Variants in WFS1 observed in about 807,000 individuals in gnomAD.
The protein encoded by WFS1 is wolframin ER transmembrane glycoprotein.
In WFS1, 90 loss-of-function variants were observed where a neutral mutation model predicts 68.5. The ratio of observed to expected loss-of-function variants is 1.31; its 90% confidence interval spans 1.11 to 1.56. The LOEUF (loss-of-function observed/expected upper bound fraction) is 1.56, where lower values mean the gene tolerates loss of function less well. Among genes scored for constraint, WFS1 ranks in the 40% most tolerant of loss-of-function variants. The probability of loss-of-function intolerance (pLI) is 0.00; values close to 1 mark genes in which losing one functional copy is unlikely to be tolerated. For missense variants in WFS1, 1,767 were observed against 1,232.6 expected (o/e 1.43, Z -6.49); for synonymous variants, 860 against 540.7 (o/e 1.59, Z -8.19).
chr4:6,276,582 C>T (rs962265543), intron 1 of WFS1, among the ~76,000 whole-genome samples: 3 of 152,172 alleles, frequency 2.0e-5, no homozygotes, highest in Non-Finnish European at 2.9e-5. Context: ...TGAATCCCAG[C>T]TCCACCCATT....
rs759524518 is a variant in WFS1, at chr4:6,301,356, C to G, written c.1561C>G (p.Leu521Val). Residue 521 changes from leucine to valine, a missense_variant, in exon 8 of 8, where the codon CTG becomes GTG. By Grantham distance (32) the Leu-to-Val change is conservative (BLOSUM62 1). Coordinates refer to ENST00000226760, the MANE Select transcript of WFS1 (RefSeq NM_006005.3). Reference protein sequence around the residue: ...LLYLFFRMAQLRNFKGTYCYL... With the variant: ...LLYLFFRMAQVRNFKGTYCYL... Reference sequence around the variant, plus strand: ...CTATCTCTTCTTCCGCATGGCACAGCTGAGGAATTTCAAGGGCACCTACTG... The same window carrying G: ...CTATCTCTTCTTCCGCATGGCACAGGTGAGGAATTTCAAGGGCACCTACTG... 13 of 1,612,388 alleles carry G rather than the reference C, an allele frequency of 8.1e-6. No homozygotes were observed. The highest frequency in any genetic ancestry group is 1.7e-5 in the Admixed American group (1 of 60,012).
At chr4:6,299,518 TGTGA>T (rs1340873705) in intron 7 of WFS1, among the ~76,000 whole-genome samples, 4 of 140,536 alleles carry the variant, frequency 2.8e-5, no homozygotes, top group African/African-American at 5.5e-5. Flanking sequence ...GTTGCGTGTG[TGTGA>T]ATGTGTATAG....
At chr4:6,297,223 T>C (rs922600065) in intron 7 of WFS1, among the ~76,000 whole-genome samples, 8 of 152,188 alleles carry the variant, frequency 5.3e-5, no homozygotes, top group African/African-American at 1.9e-4. Context: ...TCAGAGCACT[T>C]CGATTCCTTT....
chr4:6,299,875 GC>G (rs1560416772), intron 7 of WFS1, among the ~76,000 whole-genome samples: 54 of 127,450 alleles, frequency 4.2e-4, no homozygotes, highest in South Asian at 5.5e-4. Context: ...GTAGGGGTGG[GC>G]TGCATGTGTG....
In WFS1 at chr4:6,291,510, C is replaced by G. The variant is rs9998835; in HGVS notation, c.631+143C>G. 709,891 of 1,134,264 alleles carry G rather than the reference C, an allele frequency of 0.63. 227,415 individuals are homozygous for G. Among genetic ancestry groups the G allele is most frequent in the East Asian group, 0.95 (36,891 of 38,870 alleles). 70.3% of individuals were successfully genotyped at this position (1,134,264 alleles called of 1,614,324 possible). On this transcript the variant is annotated intron_variant, in intron 5 of 7. Coordinates refer to ENST00000226760, the MANE Select transcript of WFS1 (RefSeq NM_006005.3). ...CGGGACCTTCCCTGTGAGGACAGGG[C>G]CCTTCCTTGTGGGGACCAGGGGACC...
chr4:6,274,758 G>C (rs1046549268), intron 1 of WFS1, among the ~76,000 whole-genome samples: 1 of 152,170 alleles, frequency 6.6e-6, no homozygotes, highest in Non-Finnish European at 1.5e-5. Flanking sequence ...GTGGAGGTCA[G>C]CATTTGTATG....
chr4:6,295,931 C>T (rs139733099), intron 7 of WFS1, among the ~76,000 whole-genome samples: 12 of 152,336 alleles, frequency 7.9e-5, no homozygotes, highest in South Asian at 2.1e-4. Flanking sequence ...ACCAGGATTT[C>T]CAGAAGCTTG....
In WFS1 at chr4:6,302,365, C is replaced by A. The variant is rs573202595; in HGVS notation, c.2570C>A (p.Thr857Asn). 2 of 1,612,984 alleles carry A rather than the reference C, an allele frequency of 1.2e-6. No individual in the cohort carries two copies. Among genetic ancestry groups the A allele is most frequent in the East Asian group, 2.2e-5 (1 of 44,900 alleles). The change falls in exon 8 of 8, where the codon ACC (threonine) becomes AAC (asparagine). Residue 857 changes from threonine to asparagine, a missense_variant. By Grantham distance (65) the Thr-to-Asn change is moderately conservative. Coordinates refer to ENST00000226760, the MANE Select transcript of WFS1 (RefSeq NM_006005.3). ...CLNCMAQLSP[T>N]RRHVKIEHDW... ...AACTGCATGGCCCAGCTCTCACCCACCAGGCGGCACGTGAAGATCGAGCAC... is the reference window on the plus strand; with the variant it reads ...AACTGCATGGCCCAGCTCTCACCCAACAGGCGGCACGTGAAGATCGAGCAC...
At chr4:6,295,871 C>T (rs908424199) in intron 7 of WFS1, among the ~76,000 whole-genome samples, 24 of 152,188 alleles carry the variant, frequency 1.6e-4, no homozygotes, top group African/African-American at 5.8e-4. Flanking sequence ...GCTCACAGTT[C>T]AGCTCGCATG....
Position 6,302,042 on chromosome 4 carries a change from G to T in WFS1, c.2247G>T (p.Thr749=). 1.2e-6 allele frequency: 2 copies of T among 1,612,838 alleles called. No homozygotes were observed. The highest frequency in any genetic ancestry group is 1.7e-6 in the Non-Finnish European group (2 of 1,179,964). ...YPACSPGNTS[T]AEEELCRLKL... Reference sequence around the variant, plus strand: ...CCTGCAGCCCTGGCAACACCTCCACGGCCGAGGAGGAGCTCTGTCGCCTTA... The same window carrying T: ...CCTGCAGCCCTGGCAACACCTCCACTGCCGAGGAGGAGCTCTGTCGCCTTA... The change falls in exon 8 of 8, where the codon ACG becomes ACT. Residue 749 remains threonine, a synonymous_variant. Transcript: ENST00000226760.
At chr4:6,299,916 TG>T (rs1730809435) in intron 7 of WFS1, among the ~76,000 whole-genome samples, 2 of 70,894 alleles carry the variant, frequency 2.8e-5, no homozygotes, top group African/African-American at 1.3e-4. Context: ...TGTGTGTGTA[TG>T]GGGTGGGTTT....
At chr4:6,291,444 G>A in intron 5 of WFS1, 77 bp downstream of exon 5, 44 of 1,555,234 alleles carry the variant, frequency 2.8e-5, no homozygotes, top group Non-Finnish European at 3.8e-5. Flanking sequence ...TCCCATAGGG[G>A]CTGGGACCTT....
At chr4:6,291,488 G>C (rs571410544) in intron 5 of WFS1, 121 bp downstream of exon 5, 11 of 1,352,640 alleles carry the variant, frequency 8.1e-6, no homozygotes, top group African/African-American at 1.4e-5. Flanking sequence ...CAGGAGCCGG[G>C]ACCTTCCCTG....
chr4:6,287,173 G>T lies in WFS1; in HGVS notation c.313G>T (p.Glu105Ter). 6.4e-7 allele frequency: 1 copy of T among 1,557,828 alleles called. No homozygotes were observed. Among genetic ancestry groups the T allele is most frequent in the Non-Finnish European group, 8.7e-7 (1 of 1,149,618 alleles). The change falls in exon 3 of 8, where the codon GAG (glutamate) becomes TAG (stop). Residue 105 changes from glutamate to a stop codon, truncating the protein, a stop_gained and splice_region_variant. Coordinates refer to ENST00000226760, the MANE Select transcript of WFS1 (RefSeq NM_006005.3). LOFTEE classifies it high-confidence loss of function. The surrounding 1 kb of genome is among the most constrained non-coding windows in gnomAD (Gnocchi z 6.4). ...AKAGDPKAQT[E>*]VGKHYLQLAG... ...GGCCGGGGACCCCAAGGCACAGACT[G>T]AGGTGAGGACTGCGGTGCCGGCAGG...
rs898902846 is a variant in WFS1 at position 6,287,952 on chromosome 4, C to T, written c.315+777C>T. ...GAATTTCTGGCTGGGAGCGGTGGCTCACGCCTGTAATCCCAGCACTTTGGG... is the reference window on the plus strand; with the variant it reads ...GAATTTCTGGCTGGGAGCGGTGGCTTACGCCTGTAATCCCAGCACTTTGGG... On this transcript the variant is annotated intron_variant, in intron 3 of 7. Transcript: ENST00000226760. This position sits in a 1 kb window ranked among gnomAD's most constrained non-coding sequence, Gnocchi z 6.4. Among the ~76,000 whole-genome samples, 1 of 152,316 alleles carries T rather than the reference C, an allele frequency of 6.6e-6. No homozygotes were observed. The highest frequency in any genetic ancestry group is 2.1e-4 in the South Asian group (1 of 4,824).
intron 2 of WFS1, among the ~76,000 whole-genome samples, chr4:6,282,364 A>T (rs1481841006): frequency 6.6e-6 from 1 of 152,242 alleles, no homozygotes; most frequent in African/African-American, 2.4e-5. Flanking sequence ...GACAGCACAC[A>T]GCACATCCTC....
chr4:6,276,628 C>T (rs557282098), intron 1 of WFS1, among the ~76,000 whole-genome samples: 7 of 152,196 alleles, frequency 4.6e-5, no homozygotes, highest in Admixed American at 4.6e-4. Context: ...CCTCTTCTCC[C>T]CTCCCCAGCT....
At chr4:6,276,075 C>T (rs960499577) in intron 1 of WFS1, among the ~76,000 whole-genome samples, 1 of 152,208 alleles carries the variant, frequency 6.6e-6, no homozygotes, top group African/African-American at 2.4e-5. Context: ...GCGAGACTCT[C>T]TGTTACCAGC....
rs773280611 is a variant in WFS1, at chr4:6,301,059, G to A, written c.1264G>A (p.Ala422Thr). The A allele has an allele frequency of 1.7e-5, 28 of 1,614,034 alleles. No individual in the cohort carries two copies. The highest frequency in any genetic ancestry group is 1.2e-4 in the Admixed American group (7 of 60,006). Residue 422 changes from alanine to threonine, a missense_variant, in exon 8 of 8, where the codon GCC becomes ACC. Ala to Thr is a moderately conservative substitution (Grantham distance 58). Coordinates refer to ENST00000226760, the MANE Select transcript of WFS1 (RefSeq NM_006005.3). The part of the protein sequence containing the change: ...VFFVIFSFPI[A>T]SKDCIPCSEL... ...CTTCGTCATCTTCTCCTTCCCCATCGCCAGCAAGGACTGCATCCCCTGCTC... is the reference window on the plus strand; with the variant it reads ...CTTCGTCATCTTCTCCTTCCCCATCACCAGCAAGGACTGCATCCCCTGCTC...
Sources: allele counts gnomAD v4.1 joint callset (sites outside exome capture counted in the v4.1 genomes callset), GRCh38; gene constraint gnomAD v4.1.1; non-coding constraint Gnocchi (gnomAD v3.1); transcripts MANE v1.5; gene names NCBI Gene and HGNC (gene_info 2026-07-23, HGNC 2026-07-21).